Variants in AFMID observed in about 807,000 individuals in gnomAD.
AFMID encodes the protein arylformamidase.
AFMID carries 39 observed loss-of-function variants against 47.5 expected under a neutral mutation model. The observed-to-expected ratio is 0.82, with a 90% confidence interval of 0.64 to 1.07. The LOEUF (loss-of-function observed/expected upper bound fraction) is 1.07, where lower values mean the gene tolerates loss of function less well. Among genes scored for constraint, AFMID ranks in the 50% least tolerant of loss-of-function variants. AFMID has a pLI of 0.00. For missense variants in AFMID, 375 were observed against 387.5 expected (o/e 0.97, Z 0.27); for synonymous variants, 130 against 153.2 (o/e 0.85, Z 1.12).
intron 1 of AFMID, among the ~76,000 whole-genome samples, chr17:78,189,071 G>T (rs1378503163): frequency 1.3e-5 from 2 of 152,032 alleles, no homozygotes; most frequent in East Asian, 3.9e-4. Flanking sequence ...CTGAATCTCA[G>T]AGACTAAGTA....
rs34018698 is a variant in AFMID, at chr17:78,187,960, C to CAAAAAAAAAAA, written c.63+546_63+556dup. Among the ~76,000 whole-genome samples the CAAAAAAAAAAA allele has an allele frequency of 2.4e-3, 138 of 56,674 alleles. 7 individuals carry two copies. The East Asian group carries it at 0.031, about 13-fold the overall frequency. The allele number at this position is 56,674 out of a possible 152,430, so 37.2% of individuals were successfully genotyped here. A position where few individuals can be genotyped will look rare whatever the true frequency, so the allele number is the denominator to read the frequency against. On this transcript the variant is annotated intron_variant, in intron 1 of 10. Transcript: ENST00000409257. Reference sequence around the variant, plus strand: ...TGGGCGATAGACCAAGACTTAGTCTCAAAAAAAAAAAAAAAAAAAAAAAAA... The same window carrying CAAAAAAAAAAA: ...TGGGCGATAGACCAAGACTTAGTCTCAAAAAAAAAAAAAAAAAAAAAAAAAAAAAAAAAAAA...
chr17:78,202,356 G>A (rs1271094352), intron 2 of AFMID, 143 bp from the exon 3 acceptor site: 15 of 691,622 alleles, frequency 2.2e-5, no homozygotes, highest in Non-Finnish European at 3.4e-5. Context: ...TTGAACCGGG[G>A]AGGTGGAGAT....
At chr17:78,205,284 G>C in intron 7 of AFMID, 94 bp downstream of exon 7, 1 of 1,452,034 alleles carries the variant, frequency 6.9e-7, no homozygotes, top group Non-Finnish European at 9.5e-7. Flanking sequence ...CCGGCCATGA[G>C]TGGCTTGACC....
intron 2 of AFMID, among the ~76,000 whole-genome samples, chr17:78,202,282 A>T (rs982371316): frequency 6.6e-6 from 1 of 151,354 alleles, no homozygotes; most frequent in African/African-American, 2.4e-5. Context: ...TATAAAAATT[A>T]GCTGGGCATA....
At chr17:78,198,370 G>A (rs1034673623) in intron 2 of AFMID, among the ~76,000 whole-genome samples, 3 of 151,750 alleles carry the variant, frequency 2.0e-5, no homozygotes, top group Non-Finnish European at 2.9e-5. Flanking sequence ...AGGCCAAGGC[G>A]GGGATATCAC....
intron 7 of AFMID, 106 bp from the exon 8 acceptor site, chr17:78,205,334 C>T: frequency 2.1e-6 from 3 of 1,452,754 alleles, no homozygotes; most frequent in Non-Finnish European, 2.9e-6. Context: ...TTCTCTGCCT[C>T]CTCTGTGCCC....
At position 78,195,470 on chromosome 17, in the gene AFMID, C is replaced by T. The variant is rs541662639; in HGVS notation, c.154+4410C>T. On this transcript the variant is annotated intron_variant, in intron 2 of 10. Transcript: ENST00000409257. The stretch of plus-strand genomic sequence containing the variant: ...TCGACCTCCCAAAGTGCTGGGACTA[C>T]AGGCATGAGTTGCCGCGTGCAGCCC... Among the ~76,000 whole-genome samples, 7 of 151,482 alleles carry T rather than the reference C, an allele frequency of 4.6e-5. No individual in the cohort carries two copies. The South Asian group carries it at 1.5e-3, about 32-fold the overall frequency.
At chr17:78,192,600 C>T (rs2076001219) in intron 2 of AFMID, 1 of 470,568 alleles carries the variant, frequency 2.1e-6, no homozygotes, top group Non-Finnish European at 4.4e-6. Context: ...AGGTATGAGC[C>T]ACCGTGCCTG....
chr17:78,192,649 G>C (rs1331027006), intron 2 of AFMID: 6 of 470,898 alleles, frequency 1.3e-5, no homozygotes, highest in Non-Finnish European at 2.6e-5. Context: ...ATCTGGACTT[G>C]GGAACCTGTA....
rs1450051669 is a variant in AFMID, at chr17:78,202,513, C to CG, written c.172dup (p.Ala58GlyfsTer29). ...TTCTGAGACAGCCACCACAAGGGCC[C>CG]GGGCCACCAGGAAGAGCCTGCTGCA... On this transcript the variant is annotated frameshift_variant, in exon 3 of 11. Coordinates refer to ENST00000409257, the MANE Select transcript of AFMID (RefSeq NM_001010982.5). LOFTEE classifies it high-confidence loss of function. 3.1e-6 allele frequency: 5 copies of CG among 1,613,934 alleles called. No individual in the cohort carries two copies. In the Admixed American group the frequency reaches 8.3e-5, roughly 27 times the overall value.
chr17:78,197,095 C>A, intron 2 of AFMID: 1 of 1,473,642 alleles, frequency 6.8e-7, no homozygotes, highest in Non-Finnish European at 9.3e-7. Flanking sequence ...AACATAAATT[C>A]CATGATGTTT....
At chr17:78,204,420 AC>A (rs1238081163) in intron 4 of AFMID, among the ~76,000 whole-genome samples, 3 of 152,214 alleles carry the variant, frequency 2.0e-5, no homozygotes, top group Non-Finnish European at 4.4e-5. Flanking sequence ...AGCCTGGGCG[AC>A]AGAGCGAGGC....
chr17:78,188,854 C>T (rs2075880504), intron 1 of AFMID, among the ~76,000 whole-genome samples: 2 of 152,138 alleles, frequency 1.3e-5, no homozygotes, highest in Admixed American at 1.3e-4. Flanking sequence ...CCCTTGGCCT[C>T]CCAAAGTGCT....
chr17:78,206,894 T>G lies in AFMID; in HGVS notation c.886-17T>G. The G allele has an allele frequency of 6.2e-7, 1 of 1,613,894 alleles. No individual in the cohort carries two copies. Among genetic ancestry groups the G allele is most frequent in the Non-Finnish European group, 8.5e-7 (1 of 1,179,872 alleles). ...GCTCTGATTCTGGGGCTTTTGTGTC[T>G]TCTCTTCCTGTTCCAGATTATCTTG... On this transcript the variant is annotated splice_polypyrimidine_tract_variant and intron_variant, in intron 10 of 10. Transcript: ENST00000409257.
At position 78,204,838 on chromosome 17, in the gene AFMID, C is replaced by A. The variant is rs756480174; in HGVS notation, c.405C>A (p.Asp135Glu). The change falls in exon 6 of 11, where the codon GAC becomes GAA. Residue 135 changes from aspartate to glutamate, a missense_variant. Transcript: ENST00000409257. The part of the protein sequence containing the change: ...AYGIAPKGTL[D>E]HMVDQVTRSV... ...ATGCTCTCTGTGCAGGCACCCTGGA[C>A]CACATGGTAGACCAGGTGACCCGCA... 1 of 1,614,102 alleles carries A rather than the reference C, an allele frequency of 6.2e-7. No homozygotes were observed. The highest frequency in any genetic ancestry group is 1.3e-5 in the African/African-American group (1 of 74,940).
chr17:78,204,321 A>G (rs973286723), intron 4 of AFMID, among the ~76,000 whole-genome samples: 2 of 151,930 alleles, frequency 1.3e-5, no homozygotes, highest in African/African-American at 2.4e-5. Flanking sequence ...GTGCACACCT[A>G]TACTCCTGCT....
chr17:78,194,630 G>A (rs1372319668), intron 2 of AFMID, among the ~76,000 whole-genome samples: 1 of 152,086 alleles, frequency 6.6e-6, no homozygotes, highest in Non-Finnish European at 1.5e-5. Flanking sequence ...GGCAGAGAGG[G>A]GGTTTAAGAA....
At chr17:78,197,927 C>G (rs1435611332) in intron 2 of AFMID, among the ~76,000 whole-genome samples, 1 of 152,000 alleles carries the variant, frequency 6.6e-6, no homozygotes, top group African/African-American at 2.4e-5. Context: ...AACCAGCTGG[C>G]AACATGCAAG....
chr17:78,187,491 A>G lies in AFMID; in HGVS notation c.63+58A>G. On this transcript the variant is annotated intron_variant, in intron 1 of 10. Coordinates refer to ENST00000409257, the MANE Select transcript of AFMID (RefSeq NM_001010982.5). ...GGGGCGGAGTTAGCTCATTTATTAG[A>G]TTGGAATTCCAAGAAGGAAGCTTAG... 7 of 1,598,190 alleles carry G rather than the reference A, an allele frequency of 4.4e-6. No individual in the cohort carries two copies. In the Admixed American group the frequency reaches 1.0e-4, roughly 23 times the overall value.
Sources: gnomAD v4.1 joint callset for allele counts (sites outside exome capture counted in the v4.1 genomes callset) on GRCh38, gnomAD v4.1.1 for gene constraint, MANE v1.5 for transcripts, NCBI Gene and HGNC (gene_info 2026-07-23, HGNC 2026-07-21) for gene names.